SLC4A7: variants seen among roughly 807,000 people sequenced by gnomAD.
SLC4A7 encodes the protein sodium bicarbonate cotransporter 3.
SLC4A7 carries 51 observed loss-of-function variants against 137.6 expected under a neutral mutation model. The ratio of observed to expected loss-of-function variants is 0.37; its 90% CI spans 0.30 to 0.47. The LOEUF (loss-of-function observed/expected upper bound fraction) is 0.47, where lower values mean the gene tolerates loss of function less well. Ranked by LOEUF, SLC4A7 falls within the 20% of genes least tolerant of loss-of-function variation. The probability of loss-of-function intolerance (pLI) is 1.00; values close to 1 mark genes in which losing one functional copy is unlikely to be tolerated. For synonymous variants in SLC4A7, 542 were observed against 518.6 expected, an observed-to-expected ratio of 1.05 and a Z score of -0.61; for missense variants, 1,247 against 1,525.4, an observed-to-expected ratio of 0.82 and a Z score of 3.04.
intron 2 of SLC4A7, 80 bp downstream of exon 2, chr3:27,452,337 T>G: frequency 1.1e-6 from 1 of 932,966 alleles, no homozygotes; most frequent in Non-Finnish European, 1.6e-6. Context: ...AAATACTAGG[T>G]AAAACTTAAA....
At chr3:27,477,299 C>G (rs2059500670) in intron 1 of SLC4A7, among the ~76,000 whole-genome samples, 1 of 152,214 alleles carries the variant, frequency 6.6e-6, no homozygotes, top group Non-Finnish European at 1.5e-5. Flanking sequence ...TGAACAGCAG[C>G]TAACTTTTTA....
At chr3:27,396,345 T>C (rs1267251467) in intron 18 of SLC4A7, among the ~76,000 whole-genome samples, 1 of 152,118 alleles carries the variant, frequency 6.6e-6, no homozygotes, top group Admixed American at 6.5e-5. Flanking sequence ...ATCAGCCTAT[T>C]ACCTGAAAGC....
intron 1 of SLC4A7, among the ~76,000 whole-genome samples, chr3:27,458,222 T>A (rs1324283605): frequency 6.6e-6 from 1 of 152,198 alleles, no homozygotes; most frequent in Admixed American, 6.5e-5. Flanking sequence ...TCTTTGTGTA[T>A]ACAGATTTGT....
intron 12 of SLC4A7, 93 bp downstream of exon 12, chr3:27,411,549 A>G (rs2053901433): frequency 1.9e-6 from 1 of 536,346 alleles, no homozygotes. Flanking sequence ...ATACTGTACA[A>G]GATTAGGTTC....
At chr3:27,407,511 G>A (rs945532966) in intron 13 of SLC4A7, among the ~76,000 whole-genome samples, 3 of 149,222 alleles carry the variant, frequency 2.0e-5, no homozygotes, top group African/African-American at 7.4e-5. Context: ...CTATTACCCT[G>A]CCTGCCTACC....
At chr3:27,396,183 A>G (rs926692459) in intron 18 of SLC4A7, among the ~76,000 whole-genome samples, 2 of 152,218 alleles carry the variant, frequency 1.3e-5, no homozygotes, top group African/African-American at 4.8e-5. Flanking sequence ...TTCAAAGTTC[A>G]GGTAATTCAA....
chr3:27,465,295 A>C (rs981581671), intron 1 of SLC4A7, among the ~76,000 whole-genome samples: 3 of 151,438 alleles, frequency 2.0e-5, no homozygotes, highest in Non-Finnish European at 4.4e-5. Flanking sequence ...GTCTCAAAAA[A>C]AAAAAAAAAA....
At chr3:27,431,789 G>C in intron 6 of SLC4A7, 120 bp from the exon 7 acceptor site, 1 of 952,672 alleles carries the variant, frequency 1.0e-6, no homozygotes, top group South Asian at 2.5e-5. Context: ...AAATTTCAAA[G>C]TCATGTGATG....
At chr3:27,401,303 A>ACAGT (rs910479454) in intron 15 of SLC4A7, among the ~76,000 whole-genome samples, 5 of 152,124 alleles carry the variant, frequency 3.3e-5, no homozygotes, top group African/African-American at 1.2e-4. Context: ...CTACCTACTC[A>ACAGT]CAGTCACCCT....
intron 7 of SLC4A7, among the ~76,000 whole-genome samples, chr3:27,427,478 T>G (rs1467313814): frequency 1.3e-5 from 2 of 152,062 alleles, no homozygotes; most frequent in Non-Finnish European, 2.9e-5. Context: ...ATTTATAATT[T>G]TATACATATA....
At chr3:27,478,833 C>CACA (rs2059584811) in intron 1 of SLC4A7, among the ~76,000 whole-genome samples, 3 of 84,972 alleles carry the variant, frequency 3.5e-5, no homozygotes, top group Admixed American at 2.6e-4. Flanking sequence ...ACTAAAAATA[C>CACA]AAAAAAAAAA....
At chr3:27,431,997 T>G (rs1041884440) in intron 6 of SLC4A7, among the ~76,000 whole-genome samples, 2 of 152,102 alleles carry the variant, frequency 1.3e-5, no homozygotes, top group African/African-American at 4.8e-5. Context: ...GCTTAAACAA[T>G]AAATAGCAAA....
chr3:27,450,110 A>G (rs1409238242), intron 2 of SLC4A7, among the ~76,000 whole-genome samples: 1 of 152,172 alleles, frequency 6.6e-6, no homozygotes, highest in Non-Finnish European at 1.5e-5. Flanking sequence ...TGATACTCTG[A>G]CATCTTATTT....
chr3:27,383,058 T>C, intron 24 of SLC4A7, 95 bp downstream of exon 24: 1 of 760,056 alleles, frequency 1.3e-6, no homozygotes, highest in Non-Finnish European at 2.2e-6. Flanking sequence ...TCATCTTTTA[T>C]AAAATAGAAA....
chr3:27,473,122 A>C (rs2150715288), intron 1 of SLC4A7, among the ~76,000 whole-genome samples: 1 of 151,896 alleles, frequency 6.6e-6, no homozygotes, highest in Non-Finnish European at 1.5e-5. Context: ...AAAATGGAAG[A>C]AAACATCTAT....
chr3:27,431,812 A>G (rs772119545), intron 6 of SLC4A7, 143 bp from the exon 7 acceptor site: 64 of 764,482 alleles, frequency 8.4e-5, no homozygotes, highest in Non-Finnish European at 1.1e-4. Context: ...TAGCATGTCA[A>G]TCGGGTTTTT....
In SLC4A7 at chr3:27,424,067, G is replaced by C; in HGVS notation, c.1236C>G (p.Ser412Arg). ...TGAAGTCAACAGTACTATTTTCTCT[G>C]CTTCCACCACTTCCATTACCTTTAA... ...GEIKGNGSGG[S>R]RENSTVDFSK... The change falls in exon 8 of 26, where the codon AGC becomes AGG. Residue 412 changes from serine to arginine, a missense_variant. Transcript: ENST00000454389. 2 of 1,606,096 alleles carry C rather than the reference G, an allele frequency of 1.2e-6. No individual in the cohort carries two copies. The highest frequency in any genetic ancestry group is 1.7e-6 in the Non-Finnish European group (2 of 1,173,468).
intron 23 of SLC4A7, 24 bp from the exon 24 acceptor site, chr3:27,383,274 G>A (rs1407061685): frequency 6.8e-7 from 1 of 1,476,596 alleles, no homozygotes; most frequent in Non-Finnish European, 9.4e-7. Flanking sequence ...GTGTGAAGAG[G>A]TTACTTTTCC....
Position 27,380,699 on chromosome 3 carries a change from G to A in SLC4A7, c.3591-1343C>T, listed in dbSNP as rs17019718. On this transcript the variant is annotated intron_variant, in intron 24 of 25. Coordinates refer to ENST00000454389, the MANE Select transcript of SLC4A7 (RefSeq NM_001321103.2). ...TACAAATTTAAGATTGAAGAGAAGC[G>A]TGAGGAGGTCACTGAAAAGTCTCTA... Among the ~76,000 whole-genome samples, 1,342 of 152,282 alleles carry A rather than the reference G, an allele frequency of 8.8e-3. 24 individuals carry two copies. The highest frequency in any genetic ancestry group is 0.031 in the African/African-American group (1,270 of 41,544).
Sources: gnomAD v4.1 joint callset for allele counts (sites outside exome capture counted in the v4.1 genomes callset) on GRCh38, gnomAD v4.1.1 for gene constraint, MANE v1.5 for transcripts, NCBI Gene and HGNC (gene_info 2026-07-23, HGNC 2026-07-21) for gene names.